ACYP2: variants seen among roughly 807,000 people sequenced by gnomAD.
ACYP2 encodes acylphosphatase-2.
ACYP2 carries 12 observed loss-of-function variants against 11.2 expected under a neutral mutation model. The observed-to-expected ratio is 1.08, with a 90% CI of 0.69 to 1.74. ACYP2 has a LOEUF of 1.74. Ranked by LOEUF, ACYP2 falls within the 40% of genes most tolerant of loss-of-function variation. ACYP2 has a pLI of 0.00. For missense variants in ACYP2, 134 were observed against 101.9 expected (o/e 1.31, Z -1.35); for synonymous variants, 43 against 32.2 (o/e 1.33, Z -1.13).
In ACYP2 at chr2:54,127,511, C is replaced by T. The variant is rs1254136115; in HGVS notation, c.278-7942C>T. ...CTTTGGGAGGCCAAAGTGGGTGGAT[C>T]ATGAGGTCAGGAGATTGAGACCATC... is the stretch of plus-strand genomic sequence containing the variant. On this transcript the variant is annotated intron_variant, in intron 4 of 6. Coordinates refer to ENST00000607452, the MANE Select transcript of ACYP2 (RefSeq NM_001320586.2). Among the ~76,000 whole-genome samples the T allele has an allele frequency of 3.3e-5, 5 of 152,084 alleles. No individual in the cohort carries two copies. In the East Asian group the frequency reaches 9.6e-4, roughly 29 times the overall value.
intron 6 of ACYP2, among the ~76,000 whole-genome samples, chr2:54,256,528 T>G (rs1002591345): frequency 6.6e-6 from 1 of 152,252 alleles, no homozygotes; most frequent in South Asian, 2.1e-4. Flanking sequence ...ATTTTTCATA[T>G]GGATTTGTAG....
intron 6 of ACYP2, among the ~76,000 whole-genome samples, chr2:54,248,323 T>C (rs1179105975): frequency 6.6e-6 from 1 of 152,240 alleles, no homozygotes; most frequent in Non-Finnish European, 1.5e-5. Flanking sequence ...ATTGACCATA[T>C]GATAGGTGGA....
At chr2:54,238,334 T>C (rs952997526) in intron 6 of ACYP2, among the ~76,000 whole-genome samples, 2 of 152,040 alleles carry the variant, frequency 1.3e-5, no homozygotes. Flanking sequence ...CTCCTCACAG[T>C]TGTATCCCAT....
chr2:54,230,293 C>G (rs866904395), intron 6 of ACYP2, among the ~76,000 whole-genome samples: 88 of 152,274 alleles, frequency 5.8e-4, no homozygotes, highest in African/African-American at 1.9e-3. Flanking sequence ...CTGAAGTCTG[C>G]TATCTGAGAG....
chr2:54,220,599 A>G (rs1685759819), intron 6 of ACYP2, among the ~76,000 whole-genome samples: 1 of 152,184 alleles, frequency 6.6e-6, no homozygotes, highest in African/African-American at 2.4e-5. Context: ...TATTTTAATA[A>G]TATCAATTAC....
intron 6 of ACYP2, among the ~76,000 whole-genome samples, chr2:54,174,907 G>T (rs565549971): frequency 4.1e-4 from 62 of 152,246 alleles, no homozygotes; most frequent in African/African-American, 1.4e-3. Context: ...TAAGATTTTT[G>T]ATGTGCTGCT....
chr2:53,998,428 A>T (rs1672668824), intron 2 of ACYP2, among the ~76,000 whole-genome samples: 1 of 152,194 alleles, frequency 6.6e-6, no homozygotes, highest in African/African-American at 2.4e-5. Context: ...GTGAAAGAGG[A>T]TGATTAATAA....
At chr2:54,035,923 A>C (rs1674875443) in intron 2 of ACYP2, among the ~76,000 whole-genome samples, 1 of 152,216 alleles carries the variant, frequency 6.6e-6, no homozygotes, top group African/African-American at 2.4e-5. Context: ...GCTGAGTCTT[A>C]GGCCAGCTAA....
intron 3 of ACYP2, among the ~76,000 whole-genome samples, chr2:54,054,470 T>G (rs1344446743): frequency 6.6e-6 from 1 of 152,230 alleles, no homozygotes; most frequent in African/African-American, 2.4e-5. Flanking sequence ...TGATCTTGTT[T>G]TGATTTTCTT....
chr2:54,036,094 TTTG>T (rs1181182664), intron 2 of ACYP2, among the ~76,000 whole-genome samples: 2 of 151,984 alleles, frequency 1.3e-5, no homozygotes, highest in African/African-American at 2.4e-5. Context: ...TATTTCTTTT[TTTG>T]TTTGTTTGTT....
chr2:54,026,383 A>G (rs1674287239), intron 2 of ACYP2, among the ~76,000 whole-genome samples: 1 of 151,968 alleles, frequency 6.6e-6, no homozygotes, highest in Admixed American at 6.6e-5. Context: ...AGCAACAATA[A>G]CCATAATTAA....
At chr2:54,028,376 A>G (rs1400741549) in intron 2 of ACYP2, among the ~76,000 whole-genome samples, 5 of 152,184 alleles carry the variant, frequency 3.3e-5, no homozygotes, top group Non-Finnish European at 7.3e-5. Flanking sequence ...TGACATGCTG[A>G]ATTGAAGAAA....
rs149029348 is a variant in ACYP2, at chr2:54,285,287, C to T, written c.405-19401C>T. On this transcript the variant is annotated intron_variant, in intron 6 of 6. Coordinates refer to ENST00000607452, the MANE Select transcript of ACYP2 (RefSeq NM_001320586.2). ...GGACACAAACATTCAGACCACAGCA[C>T]TGAGTTTCTAGGATACCACGGTCTC... Among the ~76,000 whole-genome samples the T allele has an allele frequency of 7.6e-3, 1,161 of 152,314 alleles. 24 individuals carry two copies. Among genetic ancestry groups the T allele is most frequent in the African/African-American group, 0.027 (1,114 of 41,562 alleles).
intron 6 of ACYP2, among the ~76,000 whole-genome samples, chr2:54,143,681 C>G (rs1297551675): frequency 2.8e-5 from 4 of 142,572 alleles, no homozygotes; most frequent in Non-Finnish European, 6.0e-5. Context: ...ATCTGCCTGT[C>G]TCGGCCTCCC....
chr2:54,255,830 C>A, intron 6 of ACYP2: 1 of 1,614,002 alleles, frequency 6.2e-7, no homozygotes, highest in Admixed American at 1.7e-5. Context: ...AGGCTGCCGT[C>A]AGTTGTCAGC....
intron 6 of ACYP2, among the ~76,000 whole-genome samples, chr2:54,273,578 C>T (rs1381714226): frequency 6.6e-6 from 1 of 152,154 alleles, no homozygotes; most frequent in African/African-American, 2.4e-5. Context: ...AATTCTCCTG[C>T]CTCAGCCTCC....
chr2:54,084,318 G>A (rs568588564), intron 4 of ACYP2, among the ~76,000 whole-genome samples: 1 of 151,908 alleles, frequency 6.6e-6, no homozygotes, highest in Non-Finnish European at 1.5e-5. Context: ...TTTCTGAGAC[G>A]GAGTCTCACT....
intron 2 of ACYP2, among the ~76,000 whole-genome samples, chr2:54,016,904 T>C (rs1210937232): frequency 2.6e-5 from 4 of 151,952 alleles, no homozygotes; most frequent in African/African-American, 7.3e-5. Context: ...TTTTTGTATT[T>C]TTAGTAGAGA....
chr2:54,118,563 G>C (rs77620621), intron 4 of ACYP2, among the ~76,000 whole-genome samples: 7,836 of 152,216 alleles, frequency 0.051, 619 homozygotes, highest in African/African-American at 0.18. Context: ...GACTTTAAAA[G>C]TTGTGCTTTC....
Sources: gnomAD v4.1 joint callset for allele counts (sites outside exome capture counted in the v4.1 genomes callset) on GRCh38, gnomAD v4.1.1 for gene constraint, MANE v1.5 for transcripts, NCBI Gene and HGNC (gene_info 2026-07-23, HGNC 2026-07-21) for gene names.